Variants in RADIL observed in about 807,000 individuals in gnomAD.
RADIL encodes the protein ras-associating and dilute domain-containing protein.
A neutral mutation model predicts 97.6 loss-of-function variants in RADIL; 99 were observed. That is an observed-to-expected ratio of 1.01 (90% CI 0.86 to 1.20). The LOEUF (loss-of-function observed/expected upper bound fraction) is 1.20, where lower values mean the gene tolerates loss of function less well. Among genes scored for constraint, RADIL ranks in the 50% most tolerant of loss-of-function variants. RADIL has a pLI of 0.00. For synonymous variants in RADIL, 803 were observed against 691.8 expected, an observed-to-expected ratio of 1.16 and a Z score of -2.52; for missense variants, 1,765 against 1,498.9, an observed-to-expected ratio of 1.18 and a Z score of -2.93.
At chr7:4,831,059 T>C (rs1583290078) in intron 5 of RADIL, among the ~76,000 whole-genome samples, 1 of 149,470 alleles carries the variant, frequency 6.7e-6, no homozygotes, top group Admixed American at 6.7e-5. Context: ...GGCGTGGTGG[T>C]GCATGTCTGT....
At position 4,867,834 on chromosome 7, in the gene RADIL, G is replaced by C. The variant is rs1784163445; in HGVS notation, c.535+9771C>G. Among the ~76,000 whole-genome samples the C allele has an allele frequency of 6.6e-6, 1 of 152,038 alleles. No homozygotes were observed. The highest frequency in any genetic ancestry group is 2.1e-4 in the South Asian group (1 of 4,816). On this transcript the variant is annotated intron_variant, in intron 2 of 14. Coordinates refer to ENST00000399583, the MANE Select transcript of RADIL (RefSeq NM_018059.5). The surrounding 1 kb of genome is among the most constrained non-coding windows in gnomAD (Gnocchi z 4.1). Reference sequence around the variant, plus strand: ...GTGGGTTCCCAAGGACAATGACAATGAAAAAAGAAAATGATCCTATCCATC... The same window carrying C: ...GTGGGTTCCCAAGGACAATGACAATCAAAAAAGAAAATGATCCTATCCATC...
At chr7:4,847,976 G>A (rs57192432) in intron 2 of RADIL, among the ~76,000 whole-genome samples, 3,761 of 152,148 alleles carry the variant, frequency 0.025, 146 homozygotes, top group African/African-American at 0.083. Flanking sequence ...CAGGCGGATC[G>A]CTTGAGCTCA....
At chr7:4,800,082 G>C (rs562034222) in intron 13 of RADIL, 89 bp downstream of exon 13, 2 of 1,442,284 alleles carry the variant, frequency 1.4e-6, no homozygotes, top group Non-Finnish European at 1.8e-6. Context: ...CTGTAGCCAC[G>C]TGGCCACGCA....
At chr7:4,882,100 T>TC (rs59831866) in intron 1 of RADIL, 13,406 of 152,308 alleles carry the variant, frequency 0.088, 974 homozygotes, top group African/African-American at 0.2. Flanking sequence ...AAGTCCCTGT[T>TC]ACACAAACCT....
At chr7:4,861,333 G>T in intron 2 of RADIL, 1 of 1,613,490 alleles carries the variant, frequency 6.2e-7, no homozygotes. Context: ...TCAAAACACA[G>T]TTTGATAACT....
chr7:4,815,435 C>A lies in RADIL; in HGVS notation c.1982G>T (p.Cys661Phe). ...QLLDRGPSLSCFHWPRGVQAC... is the reference protein window; with the variant it reads ...QLLDRGPSLSFFHWPRGVQAC... ...CTGGACACCTCTGGGCCAGTGGAAGCAGCTCAGGGAGGGGCCTGTGGAGGG... is the reference window on the plus strand; with the variant it reads ...CTGGACACCTCTGGGCCAGTGGAAGAAGCTCAGGGAGGGGCCTGTGGAGGG... The change falls in exon 9 of 15, where the codon TGC becomes TTC. Residue 661 changes from cysteine to phenylalanine, a missense_variant. By Grantham distance (205) the Cys-to-Phe change is radical. Transcript: ENST00000399583. This position sits in a 1 kb window ranked among gnomAD's most constrained non-coding sequence, Gnocchi z 8.0. The A allele has an allele frequency of 6.5e-7, 1 of 1,534,516 alleles. No individual in the cohort carries two copies.
Position 4,872,591 on chromosome 7 carries a change from G to C in RADIL, c.535+5014C>G, listed in dbSNP as rs997507547. ...CACCAGCCCTAAATACAGCCTTCTA[G>C]GAAAGGGGAGTGAGAGCCACTTCCA... On this transcript the variant is annotated intron_variant, in intron 2 of 14. Transcript: ENST00000399583. The surrounding 1 kb of genome is among the most constrained non-coding windows in gnomAD (Gnocchi z 5.8). 6.6e-6 allele frequency among the ~76,000 whole-genome samples: 1 copy of C among 152,096 alleles called. No homozygotes were observed. The highest frequency in any genetic ancestry group is 1.5e-5 in the Non-Finnish European group (1 of 68,028).
Position 4,798,393 on chromosome 7 carries a change from G to A in RADIL, c.*985C>T, listed in dbSNP as rs1781977772. 1 of 152,358 alleles carries A rather than the reference G, an allele frequency of 6.6e-6. No individual in the cohort carries two copies. The highest frequency in any genetic ancestry group is 2.4e-5 in the African/African-American group (1 of 41,578). The allele number at this position is 152,358 out of a possible 1,614,324, so 9.4% of individuals were successfully genotyped here. On this transcript the variant is annotated 3_prime_UTR_variant, in exon 15 of 15. Coordinates refer to ENST00000399583, the MANE Select transcript of RADIL (RefSeq NM_018059.5). ...CCCAGTGAGAGGTGCATCTGCAACT[G>A]ATGCCGGGACCCTCTTCCCCAGGGT...
At chr7:4,823,745 G>A (rs1782898949) in intron 5 of RADIL, among the ~76,000 whole-genome samples, 1 of 152,226 alleles carries the variant, frequency 6.6e-6, no homozygotes, top group African/African-American at 2.4e-5. Flanking sequence ...CGCAGGATGT[G>A]TCTGTCTGGT....
intron 2 of RADIL, among the ~76,000 whole-genome samples, chr7:4,847,882 C>T (rs543142456): frequency 4.6e-5 from 7 of 151,582 alleles, no homozygotes; most frequent in African/African-American, 1.7e-4. Flanking sequence ...TGCTAATAGA[C>T]ACAAAGGATC....
At chr7:4,870,047 G>A (rs1417612408) in intron 2 of RADIL, among the ~76,000 whole-genome samples, 1 of 152,214 alleles carries the variant, frequency 6.6e-6, no homozygotes, top group African/African-American at 2.4e-5. Flanking sequence ...GGCTGAGGTG[G>A]GAGGATCGCT....
In RADIL at chr7:4,822,857, A is replaced by G. The variant is rs552439933; in HGVS notation, c.1455-303T>C. Among the ~76,000 whole-genome samples the G allele has an allele frequency of 1.3e-5, 2 of 152,272 alleles. No homozygotes were observed. The highest frequency in any genetic ancestry group is 4.1e-4 in the South Asian group (2 of 4,820). ...GTCTTCTCTTTTGGAATGAGATCAT[A>G]AAGTGGCTGTGAATGCTGAGAGAAT... On this transcript the variant is annotated intron_variant, in intron 5 of 14. Coordinates refer to ENST00000399583, the MANE Select transcript of RADIL (RefSeq NM_018059.5). The surrounding 1 kb of genome is among the most constrained non-coding windows in gnomAD (Gnocchi z 5.3).
At position 4,863,222 on chromosome 7, in the gene RADIL, A is replaced by G. The variant is rs112988669; in HGVS notation, c.535+14383T>C. On this transcript the variant is annotated intron_variant, in intron 2 of 14. Coordinates refer to ENST00000399583, the MANE Select transcript of RADIL (RefSeq NM_018059.5). ...TCCACTTAAATACTTATATTTCACT[A>G]TTTTGTTCTTTTCCAAGCTTCTCTG... Among the ~76,000 whole-genome samples, 15 of 152,200 alleles carry G rather than the reference A, an allele frequency of 9.9e-5. 1 individual carries two copies. Among genetic ancestry groups the G allele is most frequent in the African/African-American group, 3.4e-4 (14 of 41,516 alleles).
intron 2 of RADIL, among the ~76,000 whole-genome samples, chr7:4,874,741 T>G (rs528939936): frequency 6.6e-6 from 1 of 152,102 alleles, no homozygotes; most frequent in East Asian, 1.9e-4. Context: ...CTGAATAATT[T>G]AACAGGAATG....
In RADIL at chr7:4,803,673, C is replaced by A; in HGVS notation, c.2372G>T (p.Cys791Phe). 1.3e-6 allele frequency: 2 copies of A among 1,555,532 alleles called. No individual in the cohort carries two copies. Among genetic ancestry groups the A allele is most frequent in the Non-Finnish European group, 1.7e-6 (2 of 1,150,188 alleles). The part of the protein sequence containing the change: ...DGFQVDLEAN[C>F]LDDSIYQHLL... ...GTGCTGGTAGATGCTGTCGTCCAGGCAGTTGGCTTCCAAGTCCACCTGGAA... is the reference window on the plus strand; with the variant it reads ...GTGCTGGTAGATGCTGTCGTCCAGGAAGTTGGCTTCCAAGTCCACCTGGAA... Residue 791 changes from cysteine to phenylalanine, a missense_variant, in exon 11 of 15, where the codon TGC (cysteine) becomes TTC (phenylalanine). By Grantham distance (205) the Cys-to-Phe change is radical (BLOSUM62 -2). Transcript: ENST00000399583.
At chr7:4,859,623 G>T in intron 2 of RADIL, 1 of 405,764 alleles carries the variant, frequency 2.5e-6, no homozygotes, top group Non-Finnish European at 4.5e-6. Flanking sequence ...AAGACAACAG[G>T]TTCAGTTGGC....
chr7:4,808,222 G>A (rs1284146777), intron 9 of RADIL, among the ~76,000 whole-genome samples: 13 of 124,258 alleles, frequency 1.0e-4, no homozygotes, highest in East Asian at 2.6e-4. Flanking sequence ...GCATCCCTCC[G>A]CCCCCTCTCT....
In RADIL at chr7:4,797,817, A is replaced by G. The variant is rs575681687; in HGVS notation, c.*1561T>C. On this transcript the variant is annotated 3_prime_UTR_variant, in exon 15 of 15. Coordinates refer to ENST00000399583, the MANE Select transcript of RADIL (RefSeq NM_018059.5). ...AACGTGGTGAAACCCTGTCTCTACT[A>G]AAAGTACTAAATTAGCCAAGCGTGG... 1 of 152,098 alleles carries G rather than the reference A, an allele frequency of 6.6e-6. No homozygotes were observed. The highest frequency in any genetic ancestry group is 6.6e-5 in the Admixed American group (1 of 15,258). 9.4% of individuals were successfully genotyped at this position (152,098 alleles called of 1,614,324 possible). A position where few individuals can be genotyped will look rare whatever the true frequency, so the allele number is the denominator to read the frequency against.
At chr7:4,882,696 G>A (rs142235866) in intron 1 of RADIL, among the ~76,000 whole-genome samples, 16 of 152,110 alleles carry the variant, frequency 1.1e-4, no homozygotes, top group African/African-American at 3.4e-4. Context: ...GCCCCAGCCC[G>A]AGCCACGCTT....
Sources: gnomAD v4.1 joint callset for allele counts (sites outside exome capture counted in the v4.1 genomes callset) on GRCh38, gnomAD v4.1.1 for gene constraint, Gnocchi (gnomAD v3.1) non-coding constraint, MANE v1.5 for transcripts, NCBI Gene and HGNC (gene_info 2026-07-23, HGNC 2026-07-21) for gene names.